The following SLCO6A1 variants were observed in gnomAD, a reference collection of about 807,000 sequenced individuals.
SLCO6A1 encodes the protein solute carrier organic anion transporter family member 6A1.
Under a neutral mutation model 72.7 loss-of-function variants are expected in SLCO6A1, and 65 were observed. The observed-to-expected ratio is 0.89, with a 90% confidence interval of 0.73 to 1.10. The LOEUF is 1.10. Ranked by LOEUF, SLCO6A1 falls within the 50% of genes least tolerant of loss-of-function variation. The pLI is 0.00. For missense variants in SLCO6A1, 874 were observed against 872.6 expected, an observed-to-expected ratio of 1.00 and a Z score of -0.02; for synonymous variants, 314 against 298.2, an observed-to-expected ratio of 1.05 and a Z score of -0.55.
At chr5:102,401,631 T>C (rs993533107) in intron 9 of SLCO6A1, among the ~76,000 whole-genome samples, 5 of 152,228 alleles carry the variant, frequency 3.3e-5, no homozygotes, top group African/African-American at 4.8e-5. Flanking sequence ...TGCTGAAGGA[T>C]TCTAGAGTGA....
At chr5:102,414,560 A>C (rs750468519) in intron 8 of SLCO6A1, among the ~76,000 whole-genome samples, 4 of 152,190 alleles carry the variant, frequency 2.6e-5, no homozygotes, top group Non-Finnish European at 2.9e-5. Context: ...ATTAACATAC[A>C]AAATTAGTAA....
intron 6 of SLCO6A1, among the ~76,000 whole-genome samples, chr5:102,449,587 C>T (rs978431549): frequency 2.0e-5 from 3 of 152,038 alleles, no homozygotes; most frequent in Non-Finnish European, 4.4e-5. Context: ...GGGGTTTCAC[C>T]GTGTTACCCA....
chr5:102,454,106 C>A (rs1256973213), intron 6 of SLCO6A1, among the ~76,000 whole-genome samples: 1 of 152,132 alleles, frequency 6.6e-6, no homozygotes, highest in African/African-American at 2.4e-5. Context: ...CTATTGCTGC[C>A]TCTGGTAGCT....
intron 7 of SLCO6A1, among the ~76,000 whole-genome samples, chr5:102,431,498 T>C: frequency 6.6e-6 from 1 of 152,180 alleles, no homozygotes; most frequent in East Asian, 1.9e-4. Context: ...TACCCAAAAG[T>C]CATTCAGGGT....
At chr5:102,484,585 G>A (rs1435271633) in intron 1 of SLCO6A1, among the ~76,000 whole-genome samples, 1 of 152,066 alleles carries the variant, frequency 6.6e-6, no homozygotes, top group African/African-American at 2.4e-5. Context: ...AGGAGGCAGA[G>A]GTTTACAGTG....
rs770321725 is a variant in SLCO6A1 at position 102,399,662 on chromosome 5, C to A, written c.1707G>T (p.Gly569=). 2 of 1,609,632 alleles carry A rather than the reference C, an allele frequency of 1.2e-6. No individual in the cohort carries two copies. Among genetic ancestry groups the A allele is most frequent in the Admixed American group, 3.3e-5 (2 of 59,928 alleles). The change falls in exon 10 of 14, where the codon GGG becomes GGT. Residue 569 remains glycine, a synonymous_variant. Coordinates refer to ENST00000506729, the MANE Select transcript of SLCO6A1 (RefSeq NM_173488.5). ...AEGDFIDARP[G]KCDAKCYKLP... ...ACTTATAGCACTTTGCATCACATTT[C>A]CCGGGTCTGGCATCAATAAAATCAC... is the stretch of plus-strand genomic sequence containing the variant.
intron 5 of SLCO6A1, 59 bp from the exon 6 acceptor site, chr5:102,458,550 A>G: frequency 1.7e-6 from 2 of 1,151,934 alleles, no homozygotes; most frequent in South Asian, 2.7e-5. Context: ...ACCCATACAT[A>G]AAACCTACAT....
At chr5:102,377,096 C>T (rs575257950) in intron 12 of SLCO6A1, among the ~76,000 whole-genome samples, 56 of 151,986 alleles carry the variant, frequency 3.7e-4, no homozygotes, top group Admixed American at 8.5e-4. Flanking sequence ...GACATGAGTT[C>T]GAGGTTACAA....
intron 2 of SLCO6A1, among the ~76,000 whole-genome samples, chr5:102,479,224 C>T (rs1580505171): frequency 1.3e-5 from 2 of 152,212 alleles, no homozygotes; most frequent in Non-Finnish European, 2.9e-5. Flanking sequence ...TAACACTCCC[C>T]ACGTTGCTCA....
In SLCO6A1 at chr5:102,413,152, A is replaced by G. The variant is rs1748084018; in HGVS notation, c.1473-9T>C. 1.3e-6 allele frequency: 2 copies of G among 1,557,758 alleles called. No individual in the cohort carries two copies. Among genetic ancestry groups the G allele is most frequent in the Non-Finnish European group, 1.7e-6 (2 of 1,161,018 alleles). ...TTCCCAACTTCCCTGTTCTGTAAAA[A>G]CAAGATTGAATGTAATCATATTACC... On this transcript the variant is annotated splice_polypyrimidine_tract_variant and intron_variant, in intron 8 of 13. Transcript: ENST00000506729.
chr5:102,459,590 G>A, intron 5 of SLCO6A1, 66 bp downstream of exon 5: 2 of 1,452,072 alleles, frequency 1.4e-6, no homozygotes, highest in Non-Finnish European at 1.8e-6. Context: ...GTCATTCTAT[G>A]AGAATAAGAA....
chr5:102,419,753 A>T (rs947609304), intron 8 of SLCO6A1, 73 bp downstream of exon 8: 3 of 1,171,768 alleles, frequency 2.6e-6, no homozygotes, highest in Non-Finnish European at 3.6e-6. Context: ...TACTGGATAG[A>T]TAATTATTAA....
chr5:102,489,405 A>AAAAC (rs960702112), intron 1 of SLCO6A1, among the ~76,000 whole-genome samples: 3 of 152,208 alleles, frequency 2.0e-5, no homozygotes, highest in Non-Finnish European at 2.9e-5. Flanking sequence ...ATTCAATAGC[A>AAAAC]AAACAAACAA....
In SLCO6A1 at chr5:102,399,710, T is replaced by G. The variant is rs766332519; in HGVS notation, c.1659A>C (p.Gly553=). ...CACCTTCTGCATCTGCAGTTATTAA[T>G]CCTTCTTTAATGCAAGAACAATTGT... The part of the protein sequence containing the change: ...MYYNCSCIKE[G]LITADAEGDF... Residue 553 remains glycine, a synonymous_variant, in exon 10 of 14, where the codon GGA becomes GGC. Transcript: ENST00000506729. 2.5e-5 allele frequency: 40 copies of G among 1,584,036 alleles called. No homozygotes were observed. Among genetic ancestry groups the G allele is most frequent in the Non-Finnish European group, 2.4e-5 (28 of 1,161,780 alleles).
chr5:102,463,574 A>G (rs1304491954), intron 4 of SLCO6A1, among the ~76,000 whole-genome samples: 1 of 152,226 alleles, frequency 6.6e-6, no homozygotes, highest in Non-Finnish European at 1.5e-5. Flanking sequence ...ACACCATGGA[A>G]TACTACTCCA....
At chr5:102,485,811 A>G (rs1223180381) in intron 1 of SLCO6A1, among the ~76,000 whole-genome samples, 1 of 152,200 alleles carries the variant, frequency 6.6e-6, no homozygotes, top group Non-Finnish European at 1.5e-5. Context: ...GGAATCATTT[A>G]GACTGACTGT....
intron 7 of SLCO6A1, among the ~76,000 whole-genome samples, chr5:102,426,111 A>C (rs1018681506): frequency 6.6e-6 from 1 of 152,210 alleles, no homozygotes; most frequent in Non-Finnish European, 1.5e-5. Context: ...CTTATACAAA[A>C]ATTAACTCAA....
chr5:102,429,212 A>G (rs551480685), intron 7 of SLCO6A1, among the ~76,000 whole-genome samples: 5 of 152,292 alleles, frequency 3.3e-5, no homozygotes, highest in African/African-American at 9.6e-5. Context: ...GACCTTTGTC[A>G]GATGCTTACC....
At chr5:102,399,149 C>G (rs1747260400) in intron 10 of SLCO6A1, among the ~76,000 whole-genome samples, 1 of 151,984 alleles carries the variant, frequency 6.6e-6, no homozygotes. Context: ...AGTTATTATG[C>G]TCCTTTGTTG....
Sources: gnomAD v4.1 joint callset for allele counts (sites outside exome capture counted in the v4.1 genomes callset) on GRCh38, gnomAD v4.1.1 for gene constraint, MANE v1.5 for transcripts, NCBI Gene and HGNC (gene_info 2026-07-23, HGNC 2026-07-21) for gene names.